The following NDRG3 variants were observed in gnomAD, a reference collection of about 807,000 sequenced individuals.
The protein encoded by NDRG3 is protein NDRG3.
NDRG3 carries 23 observed loss-of-function variants against 57.2 expected under a neutral mutation model. The observed-to-expected ratio is 0.40, with a 90% CI of 0.29 to 0.57. The LOEUF is 0.57. Ranked by LOEUF, NDRG3 falls within the 20% of genes least tolerant of loss-of-function variation. The pLI is 0.42. For missense variants in NDRG3, 384 were observed against 457.3 expected (o/e 0.84, Z 1.46); for synonymous variants, 132 against 162.6 (o/e 0.81, Z 1.43).
At chr20:36,672,106 A>T (rs1460399884) in intron 8 of NDRG3, among the ~76,000 whole-genome samples, 2 of 152,052 alleles carry the variant, frequency 1.3e-5, no homozygotes, top group Non-Finnish European at 2.9e-5. Context: ...GACAAAAACA[A>T]TTTTTTTCCT....
intron 2 of NDRG3, among the ~76,000 whole-genome samples, chr20:36,717,690 A>T (rs907164301): frequency 4.6e-5 from 7 of 152,206 alleles, no homozygotes; most frequent in Non-Finnish European, 8.8e-5. Flanking sequence ...CACATAAGAG[A>T]TAATAAATCA....
intron 8 of NDRG3, among the ~76,000 whole-genome samples, chr20:36,671,966 CCTT>C (rs1249209104): frequency 6.6e-6 from 1 of 152,144 alleles, no homozygotes; most frequent in Non-Finnish European, 1.5e-5. Flanking sequence ...AATGTCAATT[CCTT>C]CTTTGAAAGC....
chr20:36,669,385 C>T (rs965800705), intron 9 of NDRG3, among the ~76,000 whole-genome samples: 2 of 151,654 alleles, frequency 1.3e-5, no homozygotes, highest in South Asian at 2.1e-4. Flanking sequence ...GCGTGCACCA[C>T]ACGTGGCTAA....
chr20:36,697,786 T>C (rs540297120), intron 3 of NDRG3, among the ~76,000 whole-genome samples: 4 of 152,238 alleles, frequency 2.6e-5, no homozygotes, highest in African/African-American at 4.8e-5. Flanking sequence ...GTGCCATGTA[T>C]GATCTATAAG....
Position 36,701,544 on chromosome 20 carries a change from CTT to C in NDRG3, c.93+5426_93+5427del, listed in dbSNP as rs897071523. Among the ~76,000 whole-genome samples the C allele has an allele frequency of 3.2e-3, 394 of 124,244 alleles. 2 individuals carry two copies. Among genetic ancestry groups the C allele is most frequent in the African/African-American group, 9.9e-3 (337 of 33,964 alleles). 81.5% of individuals were successfully genotyped at this position (124,244 alleles called of 152,430 possible). On this transcript the variant is annotated intron_variant, in intron 3 of 15. Transcript: ENST00000349004. ...TGGGTGACAAAGTAAGACCCTGTAT[CTT>C]TTTTTTTTTTTTTTTTTTGAGATGG...
At chr20:36,693,133 T>TACACACACACATATACAC in intron 3 of NDRG3, among the ~76,000 whole-genome samples, 1 of 68,158 alleles carries the variant, frequency 1.5e-5, no homozygotes, top group Non-Finnish European at 2.7e-5. Context: ...TATATATATA[T>TACACACACACATATACAC]ATATATATAC....
chr20:36,693,974 G>C lies in NDRG3; in HGVS notation c.94-5190C>G, dbSNP rs58824291. Among the ~76,000 whole-genome samples the C allele has an allele frequency of 3.7e-4, 57 of 152,174 alleles. No individual in the cohort carries two copies. The East Asian group carries it at 0.011, about 29-fold the overall frequency. ...AAAACCGATCACTGGTGCCAGAAAG[G>C]TTAAGGACCACTGATATACTGTATT... is the stretch of plus-strand genomic sequence containing the variant. On this transcript the variant is annotated intron_variant, in intron 3 of 15. Transcript: ENST00000349004.
chr20:36,734,743 A>G (rs1030355895), intron 1 of NDRG3, among the ~76,000 whole-genome samples: 4 of 151,636 alleles, frequency 2.6e-5, no homozygotes, highest in African/African-American at 9.7e-5. Context: ...GGCCTCCAAT[A>G]CTAGATGACA....
intron 2 of NDRG3, among the ~76,000 whole-genome samples, chr20:36,709,284 G>T (rs550779771): frequency 1.3e-5 from 2 of 152,278 alleles, no homozygotes; most frequent in South Asian, 4.1e-4. Context: ...ACATTTCCAT[G>T]ACTGCAGCAA....
chr20:36,744,885 C>G (rs1986106607), intron 1 of NDRG3, among the ~76,000 whole-genome samples: 1 of 151,822 alleles, frequency 6.6e-6, no homozygotes, highest in African/African-American at 2.4e-5. Flanking sequence ...CCAAGTCCAG[C>G]CCGCCCAGCT....
intron 8 of NDRG3, 92 bp from the exon 9 acceptor site, chr20:36,671,489 G>T: frequency 1.1e-6 from 1 of 929,678 alleles, no homozygotes; most frequent in Non-Finnish European, 1.7e-6. Flanking sequence ...TATTATATAT[G>T]TTATCTCTTT....
chr20:36,675,059 ATTT>A (rs34154196), intron 8 of NDRG3, among the ~76,000 whole-genome samples: 5 of 101,206 alleles, frequency 4.9e-5, no homozygotes, highest in Non-Finnish European at 7.8e-5. Flanking sequence ...CACAACTGGC[ATTT>A]TTTTTTTTTT....
intron 13 of NDRG3, among the ~76,000 whole-genome samples, chr20:36,658,601 T>C (rs540153358): frequency 2.6e-5 from 4 of 152,268 alleles, no homozygotes; most frequent in African/African-American, 9.6e-5. Context: ...AGACTGAAAA[T>C]GTAGCAGTAA....
At chr20:36,686,100 A>C (rs1324946973) in intron 5 of NDRG3, among the ~76,000 whole-genome samples, 1 of 152,220 alleles carries the variant, frequency 6.6e-6, no homozygotes, top group Non-Finnish European at 1.5e-5. Context: ...TCTACATCTG[A>C]CAGGGAAGTC....
chr20:36,682,626 G>T, intron 6 of NDRG3, 48 bp from the exon 7 acceptor site: 1 of 1,495,068 alleles, frequency 6.7e-7, no homozygotes, highest in Non-Finnish European at 9.3e-7. Context: ...TTCATTTGCA[G>T]GCAGCATTGC....
chr20:36,667,404 G>A (rs76153062), intron 9 of NDRG3, among the ~76,000 whole-genome samples: 3,158 of 152,176 alleles, frequency 0.021, 101 homozygotes, highest in African/African-American at 0.073. Flanking sequence ...GCCTCCTGGG[G>A]AGCTGAGACA....
intron 1 of NDRG3, among the ~76,000 whole-genome samples, chr20:36,731,499 C>T (rs1339296820): frequency 6.6e-6 from 1 of 152,060 alleles, no homozygotes; most frequent in African/African-American, 2.4e-5. Context: ...TGACTATGTA[C>T]ATCACTTTTT....
intron 8 of NDRG3, among the ~76,000 whole-genome samples, chr20:36,677,539 A>G (rs532150227): frequency 3.9e-5 from 6 of 152,308 alleles, no homozygotes; most frequent in South Asian, 2.1e-4. Flanking sequence ...ACACTGGACA[A>G]CCAGCTGCAG....
chr20:36,697,663 G>A (rs1419099291), intron 3 of NDRG3, among the ~76,000 whole-genome samples: 6 of 151,272 alleles, frequency 4.0e-5, no homozygotes, highest in African/African-American at 9.7e-5. Flanking sequence ...GGCCAAGACC[G>A]TGCCATCGCA....
Sources: allele counts gnomAD v4.1 joint callset (sites outside exome capture counted in the v4.1 genomes callset), GRCh38; gene constraint gnomAD v4.1.1; transcripts MANE v1.5; gene names NCBI Gene and HGNC (gene_info 2026-07-23, HGNC 2026-07-21).